The following PHF21B variants were observed in gnomAD, a reference collection of about 807,000 sequenced individuals.
PHF21B encodes the protein PHD finger protein 21B, also known as PHD finger protein 4.
Under a neutral mutation model 62.2 loss-of-function variants are expected in PHF21B, and 22 were observed. The ratio of observed to expected loss-of-function variants is 0.35; its 90% CI spans 0.25 to 0.51. The LOEUF is 0.51. Among genes scored for constraint, PHF21B ranks in the 20% least tolerant of loss-of-function variants. The pLI is 0.97. For missense variants in PHF21B, 701 were observed against 707.9 expected, an observed-to-expected ratio of 0.99 and a Z score of 0.11; for synonymous variants, 341 against 314.7, an observed-to-expected ratio of 1.08 and a Z score of -0.88.
chr22:44,921,157 T>C (rs991050774), intron 2 of PHF21B, among the ~76,000 whole-genome samples: 3 of 152,080 alleles, frequency 2.0e-5, no homozygotes, highest in East Asian at 1.9e-4. Flanking sequence ...CCCCCCAATA[T>C]GGGGGTCTCG....
At chr22:44,986,017 GCAGCACCACCATCACCAT>G (rs1458138879) in intron 2 of PHF21B, among the ~76,000 whole-genome samples, 9 of 142,118 alleles carry the variant, frequency 6.3e-5, no homozygotes, top group Admixed American at 6.3e-4. Context: ...ATCACCAGCA[GCAGCACCACCATCACCAT>G]CAGCACCACC....
At chr22:44,920,285 A>T in intron 3 of PHF21B, 113 bp downstream of exon 3, 1 of 681,114 alleles carries the variant, frequency 1.5e-6, no homozygotes. Flanking sequence ...CTGAGAGGGC[A>T]CGAGTTCCGC....
At position 44,916,263 on chromosome 22, in the gene PHF21B, T is replaced by C; in HGVS notation, c.564+17A>G. ...GCGGCCGCACACCCTTTCCGGAGCC[T>C]GCTGGTGGGCACTCACCTTGTTGTC... On this transcript the variant is annotated intron_variant, in intron 4 of 12. Transcript: ENST00000313237. 1.9e-6 allele frequency: 3 copies of C among 1,605,080 alleles called. No homozygotes were observed. The highest frequency in any genetic ancestry group is 1.7e-5 in the Admixed American group (1 of 58,436).
In PHF21B at chr22:44,885,448, C is replaced by A; in HGVS notation, c.1355G>T (p.Arg452Leu). The change falls in exon 12 of 13, where the codon CGG becomes CTG. Residue 452 changes from arginine (R) to leucine (L), a missense_variant. Coordinates refer to ENST00000313237, the MANE Select transcript of PHF21B (RefSeq NM_138415.5). The part of the protein sequence containing the change: ...NEHQQLEERD[R>L]RLASAVQKCL... ...CACCTGCACTGCTGACGCCAGCCGC[C>A]GGTCCCGCTCCTCCAGCTGCTGGTG... 6.3e-7 allele frequency: 1 copy of A among 1,588,524 alleles called. No homozygotes were observed.
chr22:44,888,204 C>G (rs2070894892), intron 9 of PHF21B, 83 bp from the exon 10 acceptor site: 4 of 1,361,706 alleles, frequency 2.9e-6, no homozygotes, highest in Non-Finnish European at 3.9e-6. Context: ...GCCCAGGCAG[C>G]TGTGTCTGAC....
chr22:44,941,683 C>T (rs958662727), intron 2 of PHF21B, among the ~76,000 whole-genome samples: 8 of 152,134 alleles, frequency 5.3e-5, no homozygotes, highest in African/African-American at 1.2e-4. Context: ...GCCTCTGCCT[C>T]GATGTGGGCT....
At chr22:44,997,043 A>G (rs1446387733) in intron 2 of PHF21B, among the ~76,000 whole-genome samples, 3 of 151,996 alleles carry the variant, frequency 2.0e-5, no homozygotes, top group Non-Finnish European at 4.4e-5. Context: ...CTCCCCCCCG[A>G]GTCTCTGAGC....
rs138557634 is a variant in PHF21B at position 44,960,273 on chromosome 22, C to T, written c.121-39783G>A. Reference sequence around the variant, plus strand: ...TGGCTCTGCAGAGACGCCCCCTTCCCTCCACAGCTACCTGAGTTCGGTGTC... The same window carrying T: ...TGGCTCTGCAGAGACGCCCCCTTCCTTCCACAGCTACCTGAGTTCGGTGTC... On this transcript the variant is annotated intron_variant, in intron 2 of 12. Coordinates refer to ENST00000313237, the MANE Select transcript of PHF21B (RefSeq NM_138415.5). 1.6e-3 allele frequency among the ~76,000 whole-genome samples: 244 copies of T among 152,328 alleles called. 2 individuals are homozygous for T. Among genetic ancestry groups the T allele is most frequent in the African/African-American group, 5.7e-3 (235 of 41,574 alleles).
At chr22:44,978,274 GCC>G (rs948083386) in intron 2 of PHF21B, among the ~76,000 whole-genome samples, 2 of 152,096 alleles carry the variant, frequency 1.3e-5, no homozygotes, top group African/African-American at 4.8e-5. Context: ...ACACCCAGGA[GCC>G]CCCAACACCG....
rs551230932 is a variant in PHF21B at position 44,889,606 on chromosome 22, T to C, written c.1038+154A>G. On this transcript the variant is annotated intron_variant, in intron 9 of 12. Transcript: ENST00000313237. ...CTGGCCGGCTGGAAAGCTGGCTGAGTGTTGCACAAAGCTCTTAGCACCTAA... is the reference window on the plus strand; with the variant it reads ...CTGGCCGGCTGGAAAGCTGGCTGAGCGTTGCACAAAGCTCTTAGCACCTAA... Among the ~76,000 whole-genome samples the C allele has an allele frequency of 1.6e-4, 24 of 152,204 alleles. No homozygotes were observed. In the East Asian group the frequency reaches 4.3e-3, roughly 27 times the overall value.
chr22:44,991,034 C>G (rs1470936027), intron 2 of PHF21B, among the ~76,000 whole-genome samples: 2 of 152,206 alleles, frequency 1.3e-5, no homozygotes, highest in Non-Finnish European at 2.9e-5. Flanking sequence ...AAAGCCCCGC[C>G]CTGCCCACCT....
intron 5 of PHF21B, 50 bp downstream of exon 5, chr22:44,913,772 G>T: frequency 1.3e-6 from 2 of 1,567,000 alleles, no homozygotes; most frequent in Non-Finnish European, 8.6e-7. Context: ...GCCTCAGATG[G>T]CACCTGCAGA....
At chr22:44,944,670 G>A (rs2072028352) in intron 2 of PHF21B, among the ~76,000 whole-genome samples, 1 of 152,226 alleles carries the variant, frequency 6.6e-6, no homozygotes, top group African/African-American at 2.4e-5. Flanking sequence ...TCTGCTAGAT[G>A]TGGATGGTGG....
chr22:44,910,748 G>T (rs181397957), intron 5 of PHF21B, among the ~76,000 whole-genome samples: 1 of 152,298 alleles, frequency 6.6e-6, no homozygotes, highest in Non-Finnish European at 1.5e-5. Flanking sequence ...GTCTTTATCA[G>T]CAGTGTAAAA....
Position 44,889,021 on chromosome 22 carries a change from G to GA in PHF21B, c.1038+738_1038+739insT, listed in dbSNP as rs899494173. 3.3e-5 allele frequency among the ~76,000 whole-genome samples: 5 copies of GA among 152,318 alleles called. 1 individual carries two copies. The highest frequency in any genetic ancestry group is 1.2e-4 in the African/African-American group (5 of 41,582). On this transcript the variant is annotated intron_variant, in intron 9 of 12. Coordinates refer to ENST00000313237, the MANE Select transcript of PHF21B (RefSeq NM_138415.5). ...GATGTTTGCAGATAAACACTGCCAG[G>GA]CCCCCCAGCACCAACCCGTGCCATT...
chr22:44,894,838 C>G (rs1264652418), intron 6 of PHF21B, among the ~76,000 whole-genome samples: 1 of 152,138 alleles, frequency 6.6e-6, no homozygotes, highest in African/African-American at 2.4e-5. Context: ...GGCTGCTGTC[C>G]CCGCGCGCTG....
At chr22:44,978,135 A>C (rs2072772637) in intron 2 of PHF21B, among the ~76,000 whole-genome samples, 1 of 152,022 alleles carries the variant, frequency 6.6e-6, no homozygotes, top group Admixed American at 6.6e-5. Flanking sequence ...GTGTGTAATA[A>C]TTTCTCTATG....
At chr22:44,983,573 G>A (rs2072881826) in intron 2 of PHF21B, among the ~76,000 whole-genome samples, 1 of 152,176 alleles carries the variant, frequency 6.6e-6, no homozygotes, top group South Asian at 2.1e-4. Context: ...CAAAGGGCAG[G>A]CGAGGGAGGC....
At chr22:44,960,138 C>T (rs187926151) in intron 2 of PHF21B, among the ~76,000 whole-genome samples, 19 of 152,256 alleles carry the variant, frequency 1.2e-4, no homozygotes, top group Non-Finnish European at 2.1e-4. Flanking sequence ...AGTAAACATC[C>T]GCCTGAAAAG....
Sources: allele counts gnomAD v4.1 joint callset (sites outside exome capture counted in the v4.1 genomes callset), GRCh38; gene constraint gnomAD v4.1.1; transcripts MANE v1.5; gene names NCBI Gene and HGNC (gene_info 2026-07-23, HGNC 2026-07-21).